The following MBNL2 variants were observed in gnomAD, a reference collection of about 807,000 sequenced individuals.
The protein encoded by MBNL2 is muscleblind-like protein 2.
MBNL2 carries 17 observed loss-of-function variants against 41.9 expected under a neutral mutation model. That is an observed-to-expected ratio of 0.41 (90% confidence interval 0.28 to 0.61). The LOEUF is 0.61. Ranked by LOEUF, MBNL2 falls within the 20% of genes least tolerant of loss-of-function variation. The pLI, the probability that MBNL2 is intolerant of heterozygous loss-of-function variation, is 0.35. For missense variants in MBNL2, 336 were observed against 505.6 expected (o/e 0.66, Z 3.22); for synonymous variants, 195 against 182.9 (o/e 1.07, Z -0.53).
chr13:97,347,726 C>T (rs1566432709), intron 5 of MBNL2, among the ~76,000 whole-genome samples: 1 of 152,116 alleles, frequency 6.6e-6, no homozygotes, highest in Non-Finnish European at 1.5e-5. Flanking sequence ...TCATTAGAGA[C>T]CAGCAGTACA....
At chr13:97,208,397 C>T in the MBNL2 span, among the ~76,000 whole-genome samples, 3 of 152,190 alleles carry the variant, frequency 2.0e-5, no homozygotes, top group African/African-American at 7.2e-5. Context: ...GGACAACATA[C>T]CTCTGATTCC....
At chr13:97,245,166 G>A (rs979631331) in intron 1 of MBNL2, among the ~76,000 whole-genome samples, 2 of 152,146 alleles carry the variant, frequency 1.3e-5, no homozygotes, top group Non-Finnish European at 2.9e-5. Flanking sequence ...CTGCCCTTTT[G>A]TTAATAAATA....
At position 97,391,809 on chromosome 13, in the gene MBNL2, C is replaced by A. The variant is rs1237960155; in HGVS notation, c.*360C>A. On this transcript the variant is annotated 3_prime_UTR_variant, in exon 9 of 9. Transcript: ENST00000679496. ...ATTCTAGCTCTAATTACTGTCATGT[C>A]ATTTACCCACTGGATCAAAGGGTAT... The A allele has an allele frequency of 5.2e-6, 1 of 191,274 alleles. No homozygotes were observed. Among genetic ancestry groups the A allele is most frequent in the African/African-American group, 2.4e-5 (1 of 41,872 alleles). 11.8% of individuals were successfully genotyped at this position (191,274 alleles called of 1,614,324 possible).
chr13:97,164,623 CT>C, the MBNL2 span, among the ~76,000 whole-genome samples: 2,420 of 146,424 alleles, frequency 0.017, 26 homozygotes, highest in Non-Finnish European at 0.024. Flanking sequence ...CTAACAGAAA[CT>C]TTTTTTTTTT....
At chr13:97,297,897 A>G (rs2057225593) in intron 2 of MBNL2, among the ~76,000 whole-genome samples, 2 of 152,242 alleles carry the variant, frequency 1.3e-5, no homozygotes, top group South Asian at 4.1e-4. Flanking sequence ...AACTATAGCT[A>G]GAGCAGCAAT....
At chr13:97,304,501 T>C (rs528072929) in intron 2 of MBNL2, among the ~76,000 whole-genome samples, 21 of 152,352 alleles carry the variant, frequency 1.4e-4, no homozygotes, top group Admixed American at 2.6e-4. Context: ...ATATCTCATA[T>C]ACTCTAACTC....
chr13:97,154,254 A>G, the MBNL2 span, among the ~76,000 whole-genome samples: 1 of 152,136 alleles, frequency 6.6e-6, no homozygotes, highest in Non-Finnish European at 1.5e-5. Flanking sequence ...AAAATTTTAA[A>G]TAAGGCTTTT....
chr13:97,172,237 A>G, the MBNL2 span, among the ~76,000 whole-genome samples: 1 of 152,158 alleles, frequency 6.6e-6, no homozygotes, highest in Non-Finnish European at 1.5e-5. Context: ...CTGTGTGTGG[A>G]CTTTAAATAG....
At chr13:97,368,816 G>A (rs1276913801) in intron 8 of MBNL2, among the ~76,000 whole-genome samples, 3 of 152,032 alleles carry the variant, frequency 2.0e-5, no homozygotes, top group Non-Finnish European at 4.4e-5. Context: ...CAGGAAGGGT[G>A]CGAGTGGAAA....
chr13:97,219,621 C>G (rs540279573), upstream of MBNL2, among the ~76,000 whole-genome samples: 1 of 152,216 alleles, frequency 6.6e-6, no homozygotes, highest in East Asian at 1.9e-4. Flanking sequence ...CTCAGAAGAA[C>G]ACAAATCCCA....
intron 2 of MBNL2, among the ~76,000 whole-genome samples, chr13:97,291,518 G>A (rs1320906308): frequency 1.3e-5 from 2 of 152,072 alleles, no homozygotes; most frequent in Admixed American, 1.3e-4. Context: ...TATTAGAAAA[G>A]CTGATGTGTC....
At chr13:97,300,850 T>C (rs2057548887) in intron 2 of MBNL2, among the ~76,000 whole-genome samples, 1 of 152,210 alleles carries the variant, frequency 6.6e-6, no homozygotes, top group South Asian at 2.1e-4. Context: ...TGCACTCGGA[T>C]TTTTTTCACT....
intron 8 of MBNL2, among the ~76,000 whole-genome samples, chr13:97,372,347 C>T (rs1004058074): frequency 8.5e-5 from 13 of 152,144 alleles, no homozygotes; most frequent in African/African-American, 3.1e-4. Context: ...AGATTAAGTA[C>T]ATTCAACAGA....
intron 7 of MBNL2, among the ~76,000 whole-genome samples, chr13:97,364,904 A>G (rs2063730826): frequency 6.6e-6 from 1 of 152,212 alleles, no homozygotes; most frequent in Non-Finnish European, 1.5e-5. Context: ...GATGCATATG[A>G]ATAGAAAGTG....
chr13:97,222,329 G>A (rs1174561103), upstream of MBNL2: 8 of 398,350 alleles, frequency 2.0e-5, no homozygotes, highest in Non-Finnish European at 3.5e-5. Flanking sequence ...CAGCAACAGA[G>A]TTTAGACTGT....
intron 8 of MBNL2, among the ~76,000 whole-genome samples, chr13:97,378,510 T>C (rs2065155808): frequency 6.6e-6 from 1 of 152,182 alleles, no homozygotes; most frequent in Admixed American, 6.6e-5. Flanking sequence ...AATAAAATAT[T>C]TTAGTTTGAA....
intron 3 of MBNL2, among the ~76,000 whole-genome samples, chr13:97,339,510 A>G (rs562270479): frequency 6.6e-6 from 1 of 152,134 alleles, no homozygotes; most frequent in African/African-American, 2.4e-5. Context: ...GACCAAATGG[A>G]TCCTGTCTCA....
intron 8 of MBNL2, among the ~76,000 whole-genome samples, chr13:97,370,676 AAAAGAAAG>A (rs554369119): frequency 3.3e-5 from 5 of 151,554 alleles, no homozygotes; most frequent in South Asian, 2.1e-4. Flanking sequence ...TCAAAAAAAA[AAAAGAAAG>A]AAAGAAAGAA....
At chr13:97,323,720 A>G (rs2059688646) in intron 2 of MBNL2, among the ~76,000 whole-genome samples, 1 of 152,190 alleles carries the variant, frequency 6.6e-6, no homozygotes, top group Admixed American at 6.5e-5. Flanking sequence ...GTAAACCCCC[A>G]TAGAGTGGTT....
Sources: allele counts gnomAD v4.1 joint callset (sites outside exome capture counted in the v4.1 genomes callset), GRCh38; gene constraint gnomAD v4.1.1; transcripts MANE v1.5; gene names NCBI Gene and HGNC (gene_info 2026-07-23, HGNC 2026-07-21).